Variants in ARB2A observed in about 807,000 individuals in gnomAD.
ARB2A encodes ARB2 cotranscriptional regulator A, also known as cotranscriptional regulator ARB2A.
At chr5:93,752,787 CA>C in the ARB2A span, among the ~76,000 whole-genome samples, 2 of 151,962 alleles carry the variant, frequency 1.3e-5, no homozygotes, top group Non-Finnish European at 2.9e-5. Flanking sequence ...TTCCTGATTT[CA>C]ACTATTTATT....
At chr5:93,868,048 G>C in the ARB2A span, among the ~76,000 whole-genome samples, 1 of 152,184 alleles carries the variant, frequency 6.6e-6, no homozygotes, top group Admixed American at 6.5e-5. Flanking sequence ...TGCTGGGCAT[G>C]GTGGCTCACA....
At chr5:93,772,811 C>G in the ARB2A span, among the ~76,000 whole-genome samples, 1 of 152,200 alleles carries the variant, frequency 6.6e-6, no homozygotes, top group South Asian at 2.1e-4. Flanking sequence ...GGGCAGCTTA[C>G]AACCTGGCAG....
At chr5:93,697,720 C>T in the ARB2A span, among the ~76,000 whole-genome samples, 10 of 152,158 alleles carry the variant, frequency 6.6e-5, no homozygotes, top group Admixed American at 2.0e-4. Context: ...CTGTTACGAG[C>T]GCAATGTTGT....
the ARB2A span, among the ~76,000 whole-genome samples, chr5:94,060,497 T>G: frequency 1.3e-5 from 2 of 152,212 alleles, no homozygotes; most frequent in East Asian, 3.8e-4. Context: ...GTCTTATGAC[T>G]ATTAAAGAAA....
the ARB2A span, among the ~76,000 whole-genome samples, chr5:93,818,470 T>C: frequency 1.3e-5 from 2 of 152,090 alleles, no homozygotes; most frequent in Admixed American, 6.6e-5. Flanking sequence ...GTAAAATTTA[T>C]CTCAGAAATA....
the ARB2A span, chr5:93,860,867 C>T: frequency 2.0e-5 from 3 of 151,950 alleles, no homozygotes; most frequent in African/African-American, 7.3e-5. Context: ...AGGATGGTCT[C>T]GATCTTCCGA....
chr5:93,921,885 T>C, the ARB2A span, among the ~76,000 whole-genome samples: 169 of 152,314 alleles, frequency 1.1e-3, no homozygotes, highest in African/African-American at 3.9e-3. Context: ...AGGGACTGCC[T>C]TTGAAAGTTC....
chr5:93,734,659 T>G, the ARB2A span: 3 of 152,190 alleles, frequency 2.0e-5, no homozygotes, highest in African/African-American at 7.2e-5. Context: ...TGAAATTTAT[T>G]TTTAAAATTA....
the ARB2A span, among the ~76,000 whole-genome samples, chr5:94,012,524 T>C: frequency 6.6e-6 from 1 of 152,198 alleles, no homozygotes; most frequent in Admixed American, 6.5e-5. Flanking sequence ...CCAGGCTAAG[T>C]TGCTGGAGGA....
chr5:93,943,920 T>C, the ARB2A span, among the ~76,000 whole-genome samples: 4 of 152,160 alleles, frequency 2.6e-5, no homozygotes, highest in Admixed American at 2.0e-4. Context: ...AATAGAAAAT[T>C]AAGCCATAGC....
the ARB2A span, among the ~76,000 whole-genome samples, chr5:93,856,885 GCT>G: frequency 6.6e-6 from 1 of 151,866 alleles, no homozygotes; most frequent in Non-Finnish European, 1.5e-5. Flanking sequence ...CAGTTTTTCT[GCT>G]CTGTTTTTTC....
At chr5:93,796,671 T>A in the ARB2A span, among the ~76,000 whole-genome samples, 1 of 152,200 alleles carries the variant, frequency 6.6e-6, no homozygotes, top group East Asian at 1.9e-4. Context: ...AAGAAACTTC[T>A]ATTCAACTAA....
the ARB2A span, among the ~76,000 whole-genome samples, chr5:93,712,706 C>A: frequency 2.0e-5 from 3 of 152,172 alleles, no homozygotes; most frequent in South Asian, 6.2e-4. Flanking sequence ...AGGAAATAAT[C>A]TTAAAATTTA....
the ARB2A span, among the ~76,000 whole-genome samples, chr5:93,846,507 A>AAAT: frequency 6.6e-6 from 1 of 151,966 alleles, no homozygotes; most frequent in Admixed American, 6.6e-5. Context: ...GTCTCTAAAA[A>AAAT]AATAATAATA....
the ARB2A span, among the ~76,000 whole-genome samples, chr5:94,035,798 T>G: frequency 1.3e-5 from 2 of 151,414 alleles, no homozygotes; most frequent in African/African-American, 4.9e-5. Flanking sequence ...TAAGTGGGAG[T>G]TGAACAATGA....
the ARB2A span, among the ~76,000 whole-genome samples, chr5:93,851,560 G>C: frequency 6.6e-6 from 1 of 152,138 alleles, no homozygotes; most frequent in African/African-American, 2.4e-5. Context: ...CCATTAACTC[G>C]TCATTTAGCA....
the ARB2A span, among the ~76,000 whole-genome samples, chr5:93,944,275 G>C: frequency 6.6e-6 from 1 of 151,830 alleles, no homozygotes; most frequent in Non-Finnish European, 1.5e-5. Flanking sequence ...CTCTATTCTT[G>C]CCACAAATGT....
chr5:93,809,978 A>G, the ARB2A span, among the ~76,000 whole-genome samples: 3 of 152,234 alleles, frequency 2.0e-5, 1 homozygote, highest in East Asian at 5.8e-4. Context: ...GCATTGAGTA[A>G]TGAAATTCTG....
the ARB2A span, among the ~76,000 whole-genome samples, chr5:93,706,016 A>C: frequency 6.6e-6 from 1 of 152,214 alleles, no homozygotes; most frequent in Non-Finnish European, 1.5e-5. Context: ...GAAAATTACT[A>C]TATGACCCAG....
Sources: gnomAD v4.1 joint callset for allele counts (sites outside exome capture counted in the v4.1 genomes callset) on GRCh38, gnomAD v4.1.1 for gene constraint, MANE v1.5 for transcripts, NCBI Gene and HGNC (gene_info 2026-07-23, HGNC 2026-07-21) for gene names.